SERPINB7: variants seen among roughly 807,000 people sequenced by gnomAD.
SERPINB7 encodes serpin family B member 7, also known as serpin B7.
Under a neutral mutation model 37.4 loss-of-function variants are expected in SERPINB7, and 31 were observed. The ratio of observed to expected loss-of-function variants is 0.83; its 90% CI spans 0.62 to 1.12. The LOEUF (loss-of-function observed/expected upper bound fraction) is 1.12. SERPINB7 is among the 50% of genes most tolerant of loss of function. SERPINB7 has a pLI of 0.00. For synonymous variants in SERPINB7, 163 were observed against 166.1 expected, an observed-to-expected ratio of 0.98 and a Z score of 0.14; for missense variants, 521 against 455.3, an observed-to-expected ratio of 1.14 and a Z score of -1.31.
chr18:63,774,940 A>T (rs1482629682), upstream of SERPINB7, among the ~76,000 whole-genome samples: 1 of 152,104 alleles, frequency 6.6e-6, no homozygotes, highest in African/African-American at 2.4e-5. Flanking sequence ...GAGATTGGAG[A>T]ATGATAAAAA....
At position 63,793,183 on chromosome 18, in the gene SERPINB7, A is replaced by G. The variant is rs2049447415; in HGVS notation, c.242A>G (p.Lys81Arg). The stretch of plus-strand genomic sequence containing the variant: ...CAGTCAGGGCTCCAGTCTCAACTGA[A>G]AAGAGTTTTTTCTGATATAAATGCA... ...NSQSGLQSQL[K>R]RVFSDINASH... The change falls in exon 4 of 8, where the codon AAA (lysine) becomes AGA (arginine). Residue 81 changes from lysine to arginine, a missense_variant. Coordinates refer to ENST00000398019, the MANE Select transcript of SERPINB7 (RefSeq NM_003784.4). 1.3e-6 allele frequency: 2 copies of G among 1,587,612 alleles called. No homozygotes were observed. The highest frequency in any genetic ancestry group is 1.4e-5 in the African/African-American group (1 of 74,070).
At chr18:63,791,979 A>G (rs184060287) in intron 2 of SERPINB7, among the ~76,000 whole-genome samples, 1 of 152,310 alleles carries the variant, frequency 6.6e-6, no homozygotes, top group African/African-American at 2.4e-5. Context: ...GACTATATTG[A>G]AAACTGTAGA....
chr18:63,793,240 A>G lies in SERPINB7; in HGVS notation c.299A>G (p.Asn100Ser). 1 of 1,607,034 alleles carries G rather than the reference A, an allele frequency of 6.2e-7. No homozygotes were observed. The highest frequency in any genetic ancestry group is 2.2e-5 in the East Asian group (1 of 44,650). The change falls in exon 4 of 8, where the codon AAT (asparagine) becomes AGT (serine). Residue 100 changes from asparagine (N) to serine (S), a missense_variant. Asn to Ser is a conservative substitution (Grantham distance 46). Transcript: ENST00000398019. The part of the protein sequence containing the change: ...SHKDYDLSIV[N>S]GLFAEKVYGF... ...AAGGATTATGATCTCAGCATTGTGAATGGGCTTTTTGCTGAAAAAGTGTAT... is the reference window on the plus strand; with the variant it reads ...AAGGATTATGATCTCAGCATTGTGAGTGGGCTTTTTGCTGAAAAAGTGTAT...
intron 1 of SERPINB7, 34 bp from the exon 2 acceptor site, chr18:63,782,321 C>T (rs1022835890): frequency 1.0e-5 from 13 of 1,249,274 alleles, no homozygotes; most frequent in African/African-American, 7.7e-5. Context: ...GAAAATGTAC[C>T]GGGAACTAAT....
In SERPINB7 at chr18:63,793,236, G is replaced by T. The variant is rs746142999; in HGVS notation, c.295G>T (p.Val99Leu). ...CCACAAGGATTATGATCTCAGCATT[G>T]TGAATGGGCTTTTTGCTGAAAAAGT... ...ASHKDYDLSI[V>L]NGLFAEKVYG... is the part of the protein sequence containing the mutation. The change falls in exon 4 of 8, where the codon GTG (valine) becomes TTG (leucine). Residue 99 changes from valine to leucine, a missense_variant. Val to Leu is a conservative substitution (Grantham distance 32). Coordinates refer to ENST00000398019, the MANE Select transcript of SERPINB7 (RefSeq NM_003784.4). 3.7e-6 allele frequency: 6 copies of T among 1,607,408 alleles called. No homozygotes were observed. The highest frequency in any genetic ancestry group is 5.1e-6 in the Non-Finnish European group (6 of 1,176,200).
At chr18:63,792,281 T>G (rs1342851619) in intron 2 of SERPINB7, 112 bp from the exon 3 acceptor site, 1 of 713,142 alleles carries the variant, frequency 1.4e-6, no homozygotes, top group Non-Finnish European at 2.4e-6. Context: ...GAACTTGGAA[T>G]GGCAATTAGA....
intron 2 of SERPINB7, among the ~76,000 whole-genome samples, chr18:63,784,142 A>C (rs919823702): frequency 1.3e-5 from 2 of 152,232 alleles, no homozygotes; most frequent in Non-Finnish European, 2.9e-5. Flanking sequence ...TGAAGTGGGA[A>C]TATTACCCTG....
At chr18:63,785,065 T>G (rs2049350600) in intron 2 of SERPINB7, among the ~76,000 whole-genome samples, 1 of 152,240 alleles carries the variant, frequency 6.6e-6, no homozygotes, top group Non-Finnish European at 1.5e-5. Context: ...TGACTTTTTA[T>G]AACTCTTACT....
intron 2 of SERPINB7, among the ~76,000 whole-genome samples, chr18:63,788,435 C>T (rs1568210367): frequency 1.3e-5 from 2 of 152,222 alleles, no homozygotes; most frequent in South Asian, 2.1e-4. Flanking sequence ...TGTATGATGT[C>T]TTTGTGTTTT....
chr18:63,803,335 G>A (rs2049570021), intron 7 of SERPINB7, among the ~76,000 whole-genome samples: 1 of 152,080 alleles, frequency 6.6e-6, no homozygotes, highest in Admixed American at 6.6e-5. Context: ...GACTAAATTT[G>A]ATTGTATAAA....
chr18:63,787,819 G>A (rs1271405542), intron 2 of SERPINB7, among the ~76,000 whole-genome samples: 2 of 152,176 alleles, frequency 1.3e-5, no homozygotes, highest in Non-Finnish European at 2.9e-5. Context: ...TACAGTCACA[G>A]TCCACATAAT....
Position 63,790,374 on chromosome 18 carries a change from G to A in SERPINB7, c.169-2019G>A, listed in dbSNP as rs541737528. Among the ~76,000 whole-genome samples the A allele has an allele frequency of 2.0e-5, 3 of 152,286 alleles. No homozygotes were observed. The South Asian group carries it at 6.2e-4, about 32-fold the overall frequency. ...AGGTTGATGACAACAATGATGGTGG[G>A]ATTAGTTAAAAACAGTCAGCTTTGG... On this transcript the variant is annotated intron_variant, in intron 2 of 7. Transcript: ENST00000398019.
chr18:63,767,346 G>A (rs950324387), intron 1 of SERPINB7, among the ~76,000 whole-genome samples: 6 of 152,058 alleles, frequency 3.9e-5, no homozygotes, highest in African/African-American at 1.4e-4. Context: ...ATTCAGGATG[G>A]GAATAATAGA....
At chr18:63,772,032 C>T (rs773342773), upstream of SERPINB7, among the ~76,000 whole-genome samples, 65 of 151,546 alleles carry the variant, frequency 4.3e-4, no homozygotes, top group Non-Finnish European at 7.8e-4. Flanking sequence ...AACTGCATGT[C>T]GGCAGGGACG....
chr18:63,804,117 T>G (rs1391016881), intron 7 of SERPINB7, 120 bp from the exon 8 acceptor site: 1 of 704,880 alleles, frequency 1.4e-6, no homozygotes. Flanking sequence ...GACACATTCA[T>G]GTACTTGAAC....
chr18:63,772,641 T>C (rs1342643548), upstream of SERPINB7, among the ~76,000 whole-genome samples: 1 of 152,154 alleles, frequency 6.6e-6, no homozygotes, highest in Non-Finnish European at 1.5e-5. Flanking sequence ...TTAATTTGCT[T>C]CTAAAATTAG....
chr18:63,783,266 GAAAGAA>G, intron 2 of SERPINB7, among the ~76,000 whole-genome samples: 1 of 148,024 alleles, frequency 6.8e-6, no homozygotes, highest in South Asian at 2.1e-4. Context: ...AAGAAAGAAA[GAAAGAA>G]AGAAAGAAAG....
chr18:63,789,207 C>A (rs1364524437), intron 2 of SERPINB7, among the ~76,000 whole-genome samples: 2 of 152,098 alleles, frequency 1.3e-5, no homozygotes, highest in African/African-American at 2.4e-5. Context: ...CGAGCTGGTC[C>A]CATCAACTCC....
At chr18:63,800,738 T>C in intron 6 of SERPINB7, 128 bp from the exon 7 acceptor site, 2 of 921,930 alleles carry the variant, frequency 2.2e-6, no homozygotes, top group Non-Finnish European at 3.2e-6. Context: ...TGGTAACATG[T>C]CAGGAAAAAA....
Sources: gnomAD v4.1 joint callset for allele counts (sites outside exome capture counted in the v4.1 genomes callset) on GRCh38, gnomAD v4.1.1 for gene constraint, MANE v1.5 for transcripts, NCBI Gene and HGNC (gene_info 2026-07-23, HGNC 2026-07-21) for gene names.